HERC1: variants seen among roughly 807,000 people sequenced by gnomAD.
The protein encoded by HERC1 is probable E3 ubiquitin-protein ligase HERC1.
In HERC1, 160 loss-of-function variants were observed where a neutral mutation model predicts 554.3. The observed-to-expected ratio is 0.29, with a 90% confidence interval of 0.25 to 0.33. HERC1 has a LOEUF of 0.33. Ranked by LOEUF, HERC1 falls within the 10% of genes least tolerant of loss-of-function variation. HERC1 has a pLI of 1.00. For synonymous variants in HERC1, 2,175 were observed against 2,131.7 expected (o/e 1.02, Z -0.56); for missense variants, 4,919 against 5,918.5 (o/e 0.83, Z 5.54).
chr15:63,740,738 T>C (rs2074762813), intron 12 of HERC1, among the ~76,000 whole-genome samples: 1 of 152,228 alleles, frequency 6.6e-6, no homozygotes, highest in Non-Finnish European at 1.5e-5. Flanking sequence ...ATATGTCTAC[T>C]CAGATTCTTT....
Position 63,692,685 on chromosome 15 carries a change from A to T in HERC1, c.5675-119T>A. The T allele has an allele frequency of 1.2e-6, 1 of 868,384 alleles. No homozygotes were observed. The highest frequency in any genetic ancestry group is 2.8e-5 in the East Asian group (1 of 36,016). The allele number at this position is 868,384 out of a possible 1,614,324, so 53.8% of individuals were successfully genotyped here. On this transcript the variant is annotated intron_variant, in intron 30 of 77. Transcript: ENST00000443617. The surrounding 1 kb of genome is among the most constrained non-coding windows in gnomAD (Gnocchi z 4.7). ...ATCTAATGCAAAATCTTAGGCTGTCAGCTACTGAATTCTGAAAACTTAAAG... is the reference window on the plus strand; with the variant it reads ...ATCTAATGCAAAATCTTAGGCTGTCTGCTACTGAATTCTGAAAACTTAAAG...
chr15:63,833,316 C>G lies in HERC1; in HGVS notation c.-27+511G>C, dbSNP rs1233891805. Among the ~76,000 whole-genome samples, 4 of 152,218 alleles carry G rather than the reference C, an allele frequency of 2.6e-5. No individual in the cohort carries two copies. In the East Asian group the frequency reaches 7.7e-4, roughly 29 times the overall value. ...AAAGGCAGAGGAGAGGAGGAAGACA[C>G]GTCGTCCCAGCCTCCACCCCGCTAA... On this transcript the variant is annotated intron_variant, in intron 1 of 77. Transcript: ENST00000443617.
chr15:63,819,675 T>C (rs771817863), intron 1 of HERC1, among the ~76,000 whole-genome samples: 3 of 152,184 alleles, frequency 2.0e-5, no homozygotes, highest in East Asian at 1.9e-4. Flanking sequence ...TTCCGTCTCA[T>C]TGTCACCATG....
At chr15:63,735,494 T>C (rs1284257591) in intron 12 of HERC1, among the ~76,000 whole-genome samples, 1 of 151,220 alleles carries the variant, frequency 6.6e-6, no homozygotes, top group Non-Finnish European at 1.5e-5. Context: ...TGTATACATA[T>C]GTAACTAACG....
At position 63,758,900 on chromosome 15, in the gene HERC1, C is replaced by CT. The variant is rs899240472; in HGVS notation, c.1027-532dup. On this transcript the variant is annotated intron_variant, in intron 3 of 77. Transcript: ENST00000443617. The surrounding 1 kb of genome is among the most constrained non-coding windows in gnomAD (Gnocchi z 4.0). ...TACTCAACCACTTCCCCACCCCCAA[C>CT]TTTTTTTTTAAATAGATGGGGTCTC... 2.6e-5 allele frequency among the ~76,000 whole-genome samples: 4 copies of CT among 151,074 alleles called. No homozygotes were observed. Among genetic ancestry groups the CT allele is most frequent in the Non-Finnish European group, 4.4e-5 (3 of 67,716 alleles).
chr15:63,785,139 T>A (rs1051246299), intron 1 of HERC1, among the ~76,000 whole-genome samples: 1 of 152,196 alleles, frequency 6.6e-6, no homozygotes, highest in Non-Finnish European at 1.5e-5. Context: ...AAGAATTAAC[T>A]GAAAGCCAGG....
Position 63,655,898 on chromosome 15 carries a change from G to C in HERC1, c.9928C>G (p.Arg3310Gly), listed in dbSNP as rs750473830. 6.2e-7 allele frequency: 1 copy of C among 1,612,804 alleles called. No individual in the cohort carries two copies. The highest frequency in any genetic ancestry group is 8.5e-7 in the Non-Finnish European group (1 of 1,179,416). Reference sequence around the variant, plus strand: ...CGGAGAAAGCTGGGTAGAAACTTTCGCTGAATTGAGTCATCAACTGTGGTT... The same window carrying C: ...CGGAGAAAGCTGGGTAGAAACTTTCCCTGAATTGAGTCATCAACTGTGGTT... ...NLTTVDDSIQ[R>G]KFLPSFLRGI... The change falls in exon 50 of 78, where the codon CGA becomes GGA. Residue 3310 changes from arginine (R) to glycine (G), a missense_variant. This residue lies in a region of HERC1 where 1,963 missense variants were observed against 2,228.6 expected (regional missense o/e 0.88). Coordinates refer to ENST00000443617, the MANE Select transcript of HERC1 (RefSeq NM_003922.4).
intron 2 of HERC1, among the ~76,000 whole-genome samples, chr15:63,771,079 C>CG (rs2075939060): frequency 6.6e-6 from 1 of 151,968 alleles, no homozygotes; most frequent in African/African-American, 2.4e-5. Context: ...AACCCAGCTA[C>CG]TGGGGAGGCT....
chr15:63,726,497 T>C (rs1390128493), intron 17 of HERC1, among the ~76,000 whole-genome samples: 2 of 152,168 alleles, frequency 1.3e-5, no homozygotes, highest in Admixed American at 6.5e-5. Flanking sequence ...ATTCAAAAAA[T>C]AGGAATAAAC....
At chr15:63,658,499 C>T (rs759016896) in intron 48 of HERC1, 45 bp downstream of exon 48, 1 of 1,538,244 alleles carries the variant, frequency 6.5e-7, no homozygotes, top group Non-Finnish European at 8.9e-7. Context: ...AGCTAATGTA[C>T]ACTAGAAGTT....
intron 67 of HERC1, 149 bp downstream of exon 67, chr15:63,633,699 G>A (rs775607942): frequency 2.9e-6 from 2 of 698,848 alleles, no homozygotes; most frequent in South Asian, 2.5e-5. Context: ...TAGCATGTGG[G>A]CATTCAAGAA....
chr15:63,748,961 CAA>C (rs11353871), intron 10 of HERC1, among the ~76,000 whole-genome samples: 101 of 137,826 alleles, frequency 7.3e-4, no homozygotes, highest in Non-Finnish European at 7.9e-4. Context: ...ATTTTTTTTC[CAA>C]AAAAAAAAAA....
chr15:63,750,495 G>A (rs535932375), intron 8 of HERC1, among the ~76,000 whole-genome samples: 1 of 152,218 alleles, frequency 6.6e-6, no homozygotes, highest in East Asian at 1.9e-4. Flanking sequence ...CAATCTGAAT[G>A]ATTTTTTTTC....
chr15:63,756,556 C>G lies in HERC1; in HGVS notation c.1414G>C (p.Ala472Pro). ...SSKGSDGHTL[A>P]FTTEGEVFSW... is the part of the protein sequence containing the mutation. ...AAGACTTCTCCTTCTGTCGTAAAGG[C>G]TAAAGTGTGACCATCAGATCCTTTA... The change falls in exon 5 of 78, where the codon GCC (alanine) becomes CCC (proline). Residue 472 changes from alanine to proline, a missense_variant. Physicochemically the swap from Ala to Pro is conservative, Grantham distance 27 (BLOSUM62 -1). Transcript: ENST00000443617. This position sits in a 1 kb window ranked among gnomAD's most constrained non-coding sequence, Gnocchi z 5.0. 6.2e-7 allele frequency: 1 copy of G among 1,613,916 alleles called. No homozygotes were observed. The highest frequency in any genetic ancestry group is 8.5e-7 in the Non-Finnish European group (1 of 1,179,812).
intron 51 of HERC1, among the ~76,000 whole-genome samples, chr15:63,652,769 C>T (rs2069765505): frequency 6.6e-6 from 1 of 152,158 alleles, no homozygotes; most frequent in Non-Finnish European, 1.5e-5. Context: ...TTTCATGCCT[C>T]AGCCTCCAAA....
At chr15:63,699,094 T>C in intron 25 of HERC1, 98 bp from the exon 26 acceptor site, 2 of 1,051,514 alleles carry the variant, frequency 1.9e-6, no homozygotes, top group Admixed American at 2.3e-5. Flanking sequence ...AACCAACTGG[T>C]GAAAAATGGA....
chr15:63,755,176 T>G (rs952821762), intron 6 of HERC1, 53 bp downstream of exon 6: 99 of 1,251,054 alleles, frequency 7.9e-5, no homozygotes, highest in Non-Finnish European at 1.1e-4. Flanking sequence ...TCTCAGTAAC[T>G]TAATCATTTC....
intron 25 of HERC1, among the ~76,000 whole-genome samples, chr15:63,700,860 C>T (rs2072680154): frequency 6.6e-6 from 1 of 151,596 alleles, no homozygotes; most frequent in Non-Finnish European, 1.5e-5. Context: ...ATCATAGATG[C>T]ATAATGTATT....
chr15:63,829,594 T>TAA (rs1491132025), intron 1 of HERC1, among the ~76,000 whole-genome samples: 38 of 131,440 alleles, frequency 2.9e-4, no homozygotes, highest in African/African-American at 8.6e-4. Flanking sequence ...TATATATATA[T>TAA]AATATACTGA....
Sources: allele counts gnomAD v4.1 joint callset (sites outside exome capture counted in the v4.1 genomes callset), GRCh38; gene constraint gnomAD v4.1.1; regional missense constraint gnomAD v4.1.1; non-coding constraint Gnocchi (gnomAD v3.1); transcripts MANE v1.5; gene names NCBI Gene and HGNC (gene_info 2026-07-23, HGNC 2026-07-21).